The following CPQ variants were observed in gnomAD, a reference collection of about 807,000 sequenced individuals.
The protein encoded by CPQ is carboxypeptidase Q.
A neutral mutation model predicts 45.7 loss-of-function variants in CPQ; 37 were observed. The observed-to-expected ratio is 0.81, with a 90% CI of 0.62 to 1.07. The LOEUF is 1.07. Ranked by LOEUF, CPQ falls within the 50% of genes least tolerant of loss-of-function variation. The pLI, the probability that CPQ is intolerant of heterozygous loss-of-function variation, is 0.00. For synonymous variants in CPQ, 186 were observed against 205.8 expected (o/e 0.90, Z 0.82); for missense variants, 537 against 572.9 (o/e 0.94, Z 0.64).
chr8:96,725,728 A>G (rs554196502), intron 1 of CPQ, among the ~76,000 whole-genome samples: 2 of 152,336 alleles, frequency 1.3e-5, no homozygotes, highest in East Asian at 3.9e-4. Flanking sequence ...CAATCCCATT[A>G]TTTGGTATAT....
intron 7 of CPQ, chr8:97,092,465 A>C (rs1811142301): frequency 6.6e-6 from 1 of 152,192 alleles, no homozygotes. Flanking sequence ...TACGGGTACA[A>C]AAACAGACAC....
chr8:97,082,991 C>T (rs1810978964), intron 7 of CPQ, among the ~76,000 whole-genome samples: 2 of 152,190 alleles, frequency 1.3e-5, no homozygotes, highest in African/African-American at 4.8e-5. Flanking sequence ...ACTTACCTGA[C>T]ACTTGTGGTG....
At chr8:96,967,952 C>T (rs1236065960) in intron 5 of CPQ, among the ~76,000 whole-genome samples, 1 of 152,188 alleles carries the variant, frequency 6.6e-6, no homozygotes, top group East Asian at 1.9e-4. Flanking sequence ...ATACTTAGAA[C>T]ATGGGCTGGC....
Position 96,926,576 on chromosome 8 carries a change from C to CTCTTCCTCTTCCTCTTCT in CPQ, c.850-39354_850-39353insCTCTTCCTCTTCTTCTTC, listed in dbSNP as rs1445697100. Among the ~76,000 whole-genome samples the CTCTTCCTCTTCCTCTTCT allele has an allele frequency of 8.4e-4, 63 of 75,006 alleles. 1 individual carries two copies. Among genetic ancestry groups the CTCTTCCTCTTCCTCTTCT allele is most frequent in the Middle Eastern group, 6.0e-3 (1 of 166 alleles). The allele number at this position is 75,006 out of a possible 152,430, so 49.2% of individuals were successfully genotyped here. Reference sequence around the variant, plus strand: ...CCTCTTCCTCTTCCTCTTCCTCTTCCTCTTCTTCTTCTTCTTCTTCTTCTT... The same window carrying CTCTTCCTCTTCCTCTTCT: ...CCTCTTCCTCTTCCTCTTCCTCTTCCTCTTCCTCTTCCTCTTCTTCTTCTTCTTCTTCTTCTTCTTCTT... On this transcript the variant is annotated intron_variant, in intron 4 of 7. Transcript: ENST00000220763.
At chr8:96,906,283 T>A (rs1812575911) in intron 4 of CPQ, among the ~76,000 whole-genome samples, 1 of 152,172 alleles carries the variant, frequency 6.6e-6, no homozygotes, top group Non-Finnish European at 1.5e-5. Context: ...TAAGGATACT[T>A]ACCCTTTCCA....
At chr8:96,948,191 G>C (rs1358942364) in intron 4 of CPQ, among the ~76,000 whole-genome samples, 1 of 152,020 alleles carries the variant, frequency 6.6e-6, no homozygotes, top group East Asian at 1.9e-4. Context: ...TCTCTCTCTT[G>C]TTAATTGGAC....
At chr8:97,127,837 A>G (rs912015460) in intron 7 of CPQ, among the ~76,000 whole-genome samples, 26 of 152,240 alleles carry the variant, frequency 1.7e-4, no homozygotes, top group African/African-American at 5.3e-4. Context: ...GCCAGACACA[A>G]GAGATCACAC....
intron 7 of CPQ, among the ~76,000 whole-genome samples, chr8:97,125,095 G>A (rs1365273534): frequency 6.6e-6 from 1 of 152,068 alleles, no homozygotes; most frequent in African/African-American, 2.4e-5. Flanking sequence ...CATTAAAAGG[G>A]CACTAAAGGA....
chr8:97,039,639 C>A (rs1445580608), intron 6 of CPQ, among the ~76,000 whole-genome samples: 5 of 151,754 alleles, frequency 3.3e-5, no homozygotes, highest in Non-Finnish European at 5.9e-5. Flanking sequence ...CCCACTCCCC[C>A]CACCCCACAA....
intron 4 of CPQ, among the ~76,000 whole-genome samples, chr8:96,944,998 G>A (rs528932897): frequency 3.3e-5 from 5 of 152,222 alleles, no homozygotes; most frequent in African/African-American, 9.6e-5. Context: ...TCATGTCTCC[G>A]GGTGAAGTTC....
At chr8:96,880,484 C>CA (rs1328872438) in intron 4 of CPQ, among the ~76,000 whole-genome samples, 5 of 141,068 alleles carry the variant, frequency 3.5e-5, no homozygotes, top group Non-Finnish European at 7.6e-5. Context: ...AGGTGCCCAT[C>CA]AATGGTGGGC....
intron 5 of CPQ, among the ~76,000 whole-genome samples, chr8:96,988,559 C>G (rs1310170220): frequency 6.6e-6 from 1 of 152,170 alleles, no homozygotes; most frequent in Non-Finnish European, 1.5e-5. Context: ...CCCACTCTGA[C>G]AAAACATTGC....
intron 3 of CPQ, among the ~76,000 whole-genome samples, chr8:96,864,254 T>C (rs1199165481): frequency 6.6e-6 from 1 of 152,044 alleles, no homozygotes; most frequent in African/African-American, 2.4e-5. Context: ...CTAGTATGTT[T>C]AGCTGTTCCA....
At chr8:96,651,109 C>T (rs184203075) in intron 1 of CPQ, among the ~76,000 whole-genome samples, 16 of 152,212 alleles carry the variant, frequency 1.1e-4, no homozygotes, top group African/African-American at 3.6e-4. Flanking sequence ...TGTTAGAGAC[C>T]ATTTAAAATA....
chr8:96,691,902 C>T (rs1192735451), intron 1 of CPQ, among the ~76,000 whole-genome samples: 1 of 152,036 alleles, frequency 6.6e-6, no homozygotes, highest in Non-Finnish European at 1.5e-5. Flanking sequence ...AAAATATGTC[C>T]AAAACCATAT....
chr8:97,029,402 G>T lies in CPQ; in HGVS notation c.962-1G>T. 1 of 1,599,722 alleles carries T rather than the reference G, an allele frequency of 6.3e-7. No individual in the cohort carries two copies. Among genetic ancestry groups the T allele is most frequent in the Non-Finnish European group, 8.5e-7 (1 of 1,172,030 alleles). ...ACTTTTTTATTTTATTATTTTCCCAGGGCTGCGTCCAAAGAGGACTCTGCG... is the reference window on the plus strand; with the variant it reads ...ACTTTTTTATTTTATTATTTTCCCATGGCTGCGTCCAAAGAGGACTCTGCG... On this transcript the variant is annotated splice_acceptor_variant, in intron 5 of 7. Transcript: ENST00000220763. LOFTEE classifies it high-confidence loss of function.
intron 4 of CPQ, among the ~76,000 whole-genome samples, chr8:96,930,310 T>C (rs148365234): frequency 6.6e-6 from 1 of 152,316 alleles, no homozygotes; most frequent in East Asian, 1.9e-4. Flanking sequence ...ATTTCCTTTT[T>C]TCCAGGTGAT....
chr8:96,755,787 CATA>C (rs1437452153), intron 1 of CPQ, among the ~76,000 whole-genome samples: 1 of 151,628 alleles, frequency 6.6e-6, no homozygotes, highest in Non-Finnish European at 1.5e-5. Context: ...ATTTGTATGC[CATA>C]ATATTTTGCA....
intron 7 of CPQ, among the ~76,000 whole-genome samples, chr8:97,122,640 C>A (rs562392559): frequency 3.9e-5 from 6 of 152,044 alleles, no homozygotes; most frequent in Admixed American, 2.6e-4. Flanking sequence ...AATCCCAGCA[C>A]TTTGGGAGGC....
Sources: gnomAD v4.1 joint callset for allele counts (sites outside exome capture counted in the v4.1 genomes callset) on GRCh38, gnomAD v4.1.1 for gene constraint, MANE v1.5 for transcripts, NCBI Gene and HGNC (gene_info 2026-07-23, HGNC 2026-07-21) for gene names.